ATL2: variants seen among roughly 807,000 people sequenced by gnomAD.
The protein encoded by ATL2 is atlastin-2.
In ATL2, 31 loss-of-function variants were observed where a neutral mutation model predicts 73.9. The ratio of observed to expected loss-of-function variants is 0.42; its 90% confidence interval spans 0.32 to 0.57. The LOEUF (loss-of-function observed/expected upper bound fraction) is 0.57, where lower values mean the gene tolerates loss of function less well. Among genes scored for constraint, ATL2 ranks in the 20% least tolerant of loss-of-function variants. The pLI, the probability that ATL2 is intolerant of heterozygous loss-of-function variation, is 0.14. For synonymous variants in ATL2, 291 were observed against 237.5 expected, an observed-to-expected ratio of 1.23 and a Z score of -2.07; for missense variants, 738 against 702.6, an observed-to-expected ratio of 1.05 and a Z score of -0.57.
intron 2 of ATL2, among the ~76,000 whole-genome samples, chr2:38,332,880 G>C (rs1669080448): frequency 6.6e-6 from 1 of 152,134 alleles, no homozygotes; most frequent in Non-Finnish European, 1.5e-5. Context: ...TTAAAGGAAA[G>C]AAATTTGTGA....
intron 5 of ATL2, 31 bp from the exon 6 acceptor site, chr2:38,314,695 T>A: frequency 7.1e-7 from 1 of 1,413,062 alleles, no homozygotes; most frequent in Non-Finnish European, 9.9e-7. Context: ...AAATAATGCC[T>A]CTAAAGAGAT....
At chr2:38,307,146 T>A (rs1214210274) in intron 9 of ATL2, among the ~76,000 whole-genome samples, 1 of 152,074 alleles carries the variant, frequency 6.6e-6, no homozygotes, top group Non-Finnish European at 1.5e-5. Context: ...TCACCTGAGA[T>A]CAGGAGTTCG....
chr2:38,312,184 T>A (rs1667789292), intron 7 of ATL2, among the ~76,000 whole-genome samples: 1 of 152,162 alleles, frequency 6.6e-6, no homozygotes, highest in Non-Finnish European at 1.5e-5. Flanking sequence ...CCTGTAAGTA[T>A]CTGACCTGCA....
chr2:38,309,314 A>C (rs1311928901), intron 9 of ATL2, 65 bp downstream of exon 9: 1 of 1,469,126 alleles, frequency 6.8e-7, no homozygotes, highest in Non-Finnish European at 9.1e-7. Context: ...TTTCTTATAC[A>C]TACAGATGAG....
chr2:38,356,606 A>G (rs1670683385), intron 1 of ATL2, among the ~76,000 whole-genome samples: 1 of 152,234 alleles, frequency 6.6e-6, no homozygotes, highest in African/African-American at 2.4e-5. Context: ...AATTTCATAA[A>G]ACTTACAACT....
chr2:38,377,993 T>C (rs1276104782), upstream of ATL2, among the ~76,000 whole-genome samples: 7 of 152,182 alleles, frequency 4.6e-5, no homozygotes, highest in Non-Finnish European at 1.0e-4. Context: ...AGCACTCTAA[T>C]CGGAAAATGA....
rs74780180 is a variant in ATL2 at position 38,319,615 on chromosome 2, A to AAGAG, written c.364-600_364-597dup. On this transcript the variant is annotated intron_variant, in intron 2 of 12. Transcript: ENST00000378954. Reference sequence around the variant, plus strand: ...TCCTGCCTCAAAAACAAAAAAAAAAAAGAGAGAGAGAGAGAGAGACAGAGA... The same window carrying AAGAG: ...TCCTGCCTCAAAAACAAAAAAAAAAAAGAGAGAGAGAGAGAGAGAGAGACAGAGA... Among the ~76,000 whole-genome samples, 84 of 149,506 alleles carry AAGAG rather than the reference A, an allele frequency of 5.6e-4. 1 individual carries two copies. Among genetic ancestry groups the AAGAG allele is most frequent in the African/African-American group, 1.8e-3 (73 of 40,000 alleles).
At chr2:38,367,307 T>TA (rs1671385247) in intron 1 of ATL2, among the ~76,000 whole-genome samples, 3 of 151,830 alleles carry the variant, frequency 2.0e-5, no homozygotes, top group Admixed American at 6.6e-5. Context: ...AATCAATATA[T>TA]GATTAACAAT....
At chr2:38,296,561 T>C in intron 12 of ATL2, 1 of 1,614,080 alleles carries the variant, frequency 6.2e-7, no homozygotes, top group Non-Finnish European at 8.5e-7. Context: ...CCATTCGACG[T>C]CTAGTAACTT....
chr2:38,303,801 G>T (rs149476561), intron 9 of ATL2, among the ~76,000 whole-genome samples: 1 of 152,218 alleles, frequency 6.6e-6, no homozygotes, highest in East Asian at 1.9e-4. Context: ...ACTACCTCAA[G>T]ACATGTAACA....
intron 1 of ATL2, among the ~76,000 whole-genome samples, chr2:38,366,783 A>T (rs548806420): frequency 6.6e-5 from 10 of 152,346 alleles, no homozygotes; most frequent in African/African-American, 2.4e-4. Context: ...GCAGCTCAAA[A>T]GCCCTTTTAT....
chr2:38,294,108 A>G lies in ATL2; in HGVS notation c.*1886T>C, dbSNP rs183992973. ...TTTCAGGTGGATTCTTTAAGAACAGATAAGTTAGCAATTTAATACAGATGA... is the reference window on the plus strand; with the variant it reads ...TTTCAGGTGGATTCTTTAAGAACAGGTAAGTTAGCAATTTAATACAGATGA... On this transcript the variant is annotated 3_prime_UTR_variant, in exon 13 of 13. Transcript: ENST00000378954. 7.2e-5 allele frequency among the ~76,000 whole-genome samples: 11 copies of G among 152,370 alleles called. 1 individual carries two copies. Among genetic ancestry groups the G allele is most frequent in the Admixed American group, 3.9e-4 (6 of 15,306 alleles).
intron 1 of ATL2, among the ~76,000 whole-genome samples, chr2:38,361,993 A>G (rs1558453046): frequency 6.6e-6 from 1 of 152,220 alleles, no homozygotes; most frequent in Non-Finnish European, 1.5e-5. Flanking sequence ...TTATAGGATA[A>G]TTCTTAAACA....
intron 4 of ATL2, among the ~76,000 whole-genome samples, chr2:38,315,684 A>AG (rs1436362885): frequency 6.6e-6 from 1 of 152,160 alleles, no homozygotes; most frequent in Non-Finnish European, 1.5e-5. Flanking sequence ...TAAAGAGTGT[A>AG]GGTTATTTCC....
intron 2 of ATL2, among the ~76,000 whole-genome samples, chr2:38,319,774 C>T (rs1239322559): frequency 6.6e-6 from 1 of 152,064 alleles, no homozygotes; most frequent in East Asian, 1.9e-4. Context: ...GAATAGCTTA[C>T]AGTAAGTTTT....
At chr2:38,317,197 C>T (rs893187854) in intron 4 of ATL2, among the ~76,000 whole-genome samples, 2 of 152,038 alleles carry the variant, frequency 1.3e-5, no homozygotes, top group Admixed American at 6.6e-5. Context: ...CTATGATCTA[C>T]CATTGATAAG....
chr2:38,311,087 A>C (rs1046239596), intron 7 of ATL2, among the ~76,000 whole-genome samples: 3 of 152,130 alleles, frequency 2.0e-5, no homozygotes, highest in Non-Finnish European at 4.4e-5. Context: ...ATTTACCTTT[A>C]AAGTACTTAC....
chr2:38,313,292 T>C (rs756212641), intron 6 of ATL2, 49 bp from the exon 7 acceptor site: 29 of 1,389,496 alleles, frequency 2.1e-5, no homozygotes, highest in Non-Finnish European at 2.2e-5. Context: ...AAAGAAAATT[T>C]ACGAAAAAAT....
intron 11 of ATL2, 31 bp from the exon 12 acceptor site, chr2:38,298,606 T>A: frequency 6.4e-7 from 1 of 1,566,936 alleles, no homozygotes; most frequent in Non-Finnish European, 8.6e-7. Context: ...TATTACATGC[T>A]AGAAATAATT....
Sources: allele counts gnomAD v4.1 joint callset (sites outside exome capture counted in the v4.1 genomes callset), GRCh38; gene constraint gnomAD v4.1.1; transcripts MANE v1.5; gene names NCBI Gene and HGNC (gene_info 2026-07-23, HGNC 2026-07-21).